The following ZCCHC17 variants were observed in gnomAD, a reference collection of about 807,000 sequenced individuals.
ZCCHC17 encodes zinc finger CCHC domain-containing protein 17.
ZCCHC17 carries 18 observed loss-of-function variants against 30.6 expected under a neutral mutation model. The ratio of observed to expected loss-of-function variants is 0.59; its 90% CI spans 0.41 to 0.87. The LOEUF (loss-of-function observed/expected upper bound fraction) is 0.87, where lower values mean the gene tolerates loss of function less well. ZCCHC17 is among the 40% of genes least tolerant of loss of function. The pLI is 0.00. For missense variants in ZCCHC17, 263 were observed against 284.2 expected (o/e 0.93, Z 0.54); for synonymous variants, 88 against 92.4 (o/e 0.95, Z 0.27).
intron 3 of ZCCHC17, among the ~76,000 whole-genome samples, chr1:31,335,404 C>G (rs537256146): frequency 7.2e-4 from 109 of 152,332 alleles, no homozygotes; most frequent in African/African-American, 2.3e-3. Context: ...GAGACAAAGT[C>G]TCGCTCTGTC....
intron 3 of ZCCHC17, among the ~76,000 whole-genome samples, chr1:31,319,928 A>C (rs1036223739): frequency 1.1e-4 from 17 of 152,234 alleles, no homozygotes; most frequent in African/African-American, 4.1e-4. Context: ...ATATTTCACT[A>C]CATGAAAATT....
At position 31,364,457 on chromosome 1, in the gene ZCCHC17, T is replaced by G; in HGVS notation, c.*264T>G. On this transcript the variant is annotated 3_prime_UTR_variant, in exon 8 of 8. Coordinates refer to ENST00000344147, the MANE Select transcript of ZCCHC17 (RefSeq NM_016505.4). ...TCACCCATTCATTCACCCAACTTCC[T>G]TCATTCAGCAGGAGGTCCTATTACC... 1 of 499,930 alleles carries G rather than the reference T, an allele frequency of 2.0e-6. No individual in the cohort carries two copies. Among genetic ancestry groups the G allele is most frequent in the Non-Finnish European group, 3.4e-6 (1 of 290,248 alleles). 31.0% of individuals were successfully genotyped at this position (499,930 alleles called of 1,614,324 possible). A position where few individuals can be genotyped will look rare whatever the true frequency, so the allele number is the denominator to read the frequency against.
rs150077582 is a variant in ZCCHC17, at chr1:31,344,818, G to C, written c.318-1822G>C. 8.1e-4 allele frequency among the ~76,000 whole-genome samples: 123 copies of C among 152,122 alleles called. 1 individual carries two copies. The East Asian group carries it at 0.021, about 26-fold the overall frequency. ...CAAAAACCATGTTTGTGAGTTCCTTGAGTTATGTCCTCAAGTTTCTGCCTT... is the reference window on the plus strand; with the variant it reads ...CAAAAACCATGTTTGTGAGTTCCTTCAGTTATGTCCTCAAGTTTCTGCCTT... On this transcript the variant is annotated intron_variant, in intron 5 of 7. Transcript: ENST00000344147.
rs551193916 is a variant in ZCCHC17 at position 31,328,305 on chromosome 1, G to A, written c.125-8870G>A. On this transcript the variant is annotated intron_variant, in intron 3 of 7. Coordinates refer to ENST00000344147, the MANE Select transcript of ZCCHC17 (RefSeq NM_016505.4). Reference sequence around the variant, plus strand: ...AGGTAGGTGGATCGCTTGAGCTCAGGAGTTTGAGACCAGCCTGGGTAACAT... The same window carrying A: ...AGGTAGGTGGATCGCTTGAGCTCAGAAGTTTGAGACCAGCCTGGGTAACAT... Among the ~76,000 whole-genome samples, 6 of 152,186 alleles carry A rather than the reference G, an allele frequency of 3.9e-5. No homozygotes were observed. In the South Asian group the frequency reaches 1.2e-3, roughly 32 times the overall value.
At chr1:31,344,633 G>T (rs1023239318) in intron 5 of ZCCHC17, among the ~76,000 whole-genome samples, 1 of 152,156 alleles carries the variant, frequency 6.6e-6, no homozygotes, top group African/African-American at 2.4e-5. Flanking sequence ...AGAGACGTGG[G>T]TGACTGACAC....
chr1:31,342,835 TG>T (rs1639096611), intron 5 of ZCCHC17, among the ~76,000 whole-genome samples: 1 of 151,928 alleles, frequency 6.6e-6, no homozygotes, highest in Non-Finnish European at 1.5e-5. Context: ...AGAGAATAGG[TG>T]GTATTTGAGT....
At position 31,364,275 on chromosome 1, in the gene ZCCHC17, G is replaced by T; in HGVS notation, c.*82G>T. On this transcript the variant is annotated 3_prime_UTR_variant, in exon 8 of 8. Coordinates refer to ENST00000344147, the MANE Select transcript of ZCCHC17 (RefSeq NM_016505.4). ...GAGACTCCTGGAAAGACTCAATAGTGAGAATATAGCCTCCCACCCCATTAA... is the reference window on the plus strand; with the variant it reads ...GAGACTCCTGGAAAGACTCAATAGTTAGAATATAGCCTCCCACCCCATTAA... The T allele has an allele frequency of 6.7e-7, 1 of 1,502,842 alleles. No individual in the cohort carries two copies. The highest frequency in any genetic ancestry group is 1.3e-5 in the South Asian group (1 of 75,044). 93.1% of individuals were successfully genotyped at this position (1,502,842 alleles called of 1,614,324 possible).
intron 7 of ZCCHC17, among the ~76,000 whole-genome samples, chr1:31,360,927 G>A (rs1437264662): frequency 6.6e-6 from 1 of 152,174 alleles, no homozygotes; most frequent in Admixed American, 6.5e-5. Context: ...GCACTGTTTA[G>A]GTGTAAGGCA....
intron 2 of ZCCHC17, among the ~76,000 whole-genome samples, chr1:31,314,762 G>A (rs1033326451): frequency 4.6e-5 from 7 of 152,044 alleles, no homozygotes; most frequent in African/African-American, 2.4e-5. Flanking sequence ...AGTGCAGTGG[G>A]TTCAAGCGAT....
chr1:31,332,006 T>C lies in ZCCHC17; in HGVS notation c.125-5169T>C, dbSNP rs76936717. 5.8e-3 allele frequency among the ~76,000 whole-genome samples: 885 copies of C among 152,310 alleles called. 71 individuals are homozygous for C. The East Asian group carries it at 0.14, about 25-fold the overall frequency. On this transcript the variant is annotated intron_variant, in intron 3 of 7. Coordinates refer to ENST00000344147, the MANE Select transcript of ZCCHC17 (RefSeq NM_016505.4). ...TTGTCTCCCTTTTGTTCTGATTCCA[T>C]GTGGAAGCAATTTCTGATCACTAAT...
Position 31,346,755 on chromosome 1 carries a change from C to G in ZCCHC17, c.418+15C>G. 6.2e-7 allele frequency: 1 copy of G among 1,614,112 alleles called. No individual in the cohort carries two copies. The highest frequency in any genetic ancestry group is 1.1e-5 in the South Asian group (1 of 91,072). ...TGGCTGTAAAGGTAGGGTGAAGCCT[C>G]TGCCCTTTCCACGTTTCTCTCCTTG... On this transcript the variant is annotated intron_variant, in intron 6 of 7. Transcript: ENST00000344147.
intron 3 of ZCCHC17, 52 bp downstream of exon 3, chr1:31,319,218 A>G (rs936228327): frequency 6.9e-7 from 1 of 1,445,806 alleles, no homozygotes. Context: ...CTCTGCTAAC[A>G]CTCCACCACC....
Position 31,339,127 on chromosome 1 carries a change from GTAACTCTACCA to G in ZCCHC17, c.317+81_317+91del, listed in dbSNP as rs61167541. On this transcript the variant is annotated intron_variant, in intron 5 of 7. Transcript: ENST00000344147. ...TGGTTTAGTAAATCAGACTGAACTG[GTAACTCTACCA>G]TTTATGGACTTTGTGATATTGATAA... 0.023 allele frequency: 23,096 copies of G among 998,180 alleles called. 3,441 individuals are homozygous for G. The African/African-American group carries it at 0.32, about 14-fold the overall frequency. 61.8% of individuals were successfully genotyped at this position (998,180 alleles called of 1,614,324 possible).
intron 3 of ZCCHC17, among the ~76,000 whole-genome samples, chr1:31,334,180 T>A (rs956601075): frequency 6.6e-6 from 1 of 152,104 alleles, no homozygotes; most frequent in African/African-American, 2.4e-5. Flanking sequence ...ACCTCCAGAA[T>A]CAGCTTATGT....
chr1:31,306,895 T>C (rs1646473632), intron 1 of ZCCHC17, among the ~76,000 whole-genome samples: 1 of 152,092 alleles, frequency 6.6e-6, no homozygotes, highest in South Asian at 2.1e-4. Context: ...TAGACTATAG[T>C]GGGGCCATCT....
intron 5 of ZCCHC17, among the ~76,000 whole-genome samples, chr1:31,340,776 T>C (rs1434043758): frequency 6.6e-6 from 1 of 152,220 alleles, no homozygotes; most frequent in Non-Finnish European, 1.5e-5. Flanking sequence ...AATTATGTCA[T>C]TGATGAATTT....
At chr1:31,334,337 C>CTCTGTGTG (rs1284223463) in intron 3 of ZCCHC17, among the ~76,000 whole-genome samples, 2 of 85,588 alleles carry the variant, frequency 2.3e-5, no homozygotes, top group African/African-American at 4.9e-5. Flanking sequence ...CTCTCTCTCT[C>CTCTGTGTG]TGTGTGTGTG....
chr1:31,322,429 T>C (rs186287264), intron 3 of ZCCHC17, among the ~76,000 whole-genome samples: 153 of 152,188 alleles, frequency 1.0e-3, no homozygotes, highest in Admixed American at 2.3e-3. Flanking sequence ...CTCAGAAAAA[T>C]GCTATAGTTA....
chr1:31,360,721 A>T (rs1165741988), intron 7 of ZCCHC17, among the ~76,000 whole-genome samples: 1 of 152,114 alleles, frequency 6.6e-6, no homozygotes, highest in Non-Finnish European at 1.5e-5. Context: ...TTCATCTTTG[A>T]GAGAGAACAA....
Sources: gnomAD v4.1 joint callset for allele counts (sites outside exome capture counted in the v4.1 genomes callset) on GRCh38, gnomAD v4.1.1 for gene constraint, MANE v1.5 for transcripts, NCBI Gene and HGNC (gene_info 2026-07-23, HGNC 2026-07-21) for gene names.